Variants in FBXL13 observed in about 807,000 individuals in gnomAD.
FBXL13 encodes F-box and leucine-rich repeat protein 13.
In FBXL13, 67 loss-of-function variants were observed where a neutral mutation model predicts 83.6. The observed-to-expected ratio is 0.80, with a 90% CI of 0.66 to 0.98. The LOEUF (loss-of-function observed/expected upper bound fraction) is 0.98, where lower values mean the gene tolerates loss of function less well. Ranked by LOEUF, FBXL13 falls within the 50% of genes least tolerant of loss-of-function variation. The pLI, the probability that FBXL13 is intolerant of heterozygous loss-of-function variation, is 0.00. For synonymous variants in FBXL13, 272 were observed against 299.5 expected (o/e 0.91, Z 0.95); for missense variants, 822 against 866.5 (o/e 0.95, Z 0.64).
chr7:103,024,857 A>ATATTTTTTTT (rs1298384907), intron 6 of FBXL13, among the ~76,000 whole-genome samples: 1 of 62,846 alleles, frequency 1.6e-5, no homozygotes, highest in African/African-American at 9.0e-5. Context: ...ATATATATAT[A>ATATTTTTTTT]TTTTTTTTTT....
At chr7:103,074,148 G>A in intron 1 of FBXL13, 3 of 790,844 alleles carry the variant, frequency 3.8e-6, no homozygotes, top group Non-Finnish European at 4.6e-6. Context: ...TTCACAAAGG[G>A]CTGACTACAC....
chr7:102,824,699 T>A (rs1799315773), intron 18 of FBXL13, among the ~76,000 whole-genome samples: 1 of 151,986 alleles, frequency 6.6e-6, no homozygotes, highest in Non-Finnish European at 1.5e-5. Context: ...TTGGTCAGGC[T>A]GGTCTCAAAC....
intron 2 of FBXL13, chr7:103,030,261 C>T (rs1210003243): frequency 6.6e-6 from 1 of 152,158 alleles, no homozygotes; most frequent in African/African-American, 2.4e-5. Flanking sequence ...ATATGGCATA[C>T]ACATGTTCAT....
At chr7:102,916,340 C>A (rs1005016760) in intron 10 of FBXL13, among the ~76,000 whole-genome samples, 1 of 152,128 alleles carries the variant, frequency 6.6e-6, no homozygotes, top group Admixed American at 6.6e-5. Context: ...TGAATTCTAT[C>A]CCTGATCCTC....
Position 102,872,418 on chromosome 7 carries a change from C to T in FBXL13, c.1635+5049G>A, listed in dbSNP as rs185080358. Among the ~76,000 whole-genome samples, 7 of 152,228 alleles carry T rather than the reference C, an allele frequency of 4.6e-5. No individual in the cohort carries two copies. In the East Asian group the frequency reaches 1.2e-3, roughly 25 times the overall value. On this transcript the variant is annotated intron_variant, in intron 16 of 19. Transcript: ENST00000313221. ...ATATTCTAGTGAGGGGACTCCAGGA[C>T]CTACATAACAGGCGCTCAAGATCTT...
At chr7:103,010,115 G>A (rs1326005826) in intron 6 of FBXL13, among the ~76,000 whole-genome samples, 1 of 151,916 alleles carries the variant, frequency 6.6e-6, no homozygotes, top group Non-Finnish European at 1.5e-5. Flanking sequence ...CAGTGGCCCT[G>A]CTTCTGTATG....
intron 8 of FBXL13, among the ~76,000 whole-genome samples, chr7:102,958,724 A>G (rs999365529): frequency 6.6e-6 from 1 of 151,620 alleles, no homozygotes; most frequent in African/African-American, 2.4e-5. Context: ...CCAAGAATGA[A>G]TTTTTTTTCA....
At chr7:103,003,632 A>G (rs1228174760) in intron 6 of FBXL13, among the ~76,000 whole-genome samples, 2 of 151,354 alleles carry the variant, frequency 1.3e-5, no homozygotes, top group Non-Finnish European at 2.9e-5. Context: ...CCCAGACTGG[A>G]ATGCAGTGGC....
At chr7:102,931,997 A>G (rs997226031) in intron 8 of FBXL13, 64 bp from the exon 10 acceptor site, 6 of 1,477,536 alleles carry the variant, frequency 4.1e-6, no homozygotes, top group Non-Finnish European at 5.6e-6. Context: ...AAGTTTTTCT[A>G]TCTTACATTG....
intron 17 of FBXL13, among the ~76,000 whole-genome samples, chr7:102,836,365 C>T (rs546098748): frequency 2.6e-5 from 4 of 152,252 alleles, no homozygotes; most frequent in Admixed American, 1.3e-4. Flanking sequence ...TTCCTTTAAA[C>T]ACATATAAGT....
At position 103,011,347 on chromosome 7, in the gene FBXL13, G is replaced by A. The variant is rs190156332; in HGVS notation, c.495+13716C>T. Among the ~76,000 whole-genome samples the A allele has an allele frequency of 1.4e-4, 22 of 152,178 alleles. No individual in the cohort carries two copies. The East Asian group carries it at 4.3e-3, about 30-fold the overall frequency. Reference sequence around the variant, plus strand: ...TAGACCAAATGGCCATTATAAGAAAGAAACAGGCCAGGCGTGGTGGCTCAC... The same window carrying A: ...TAGACCAAATGGCCATTATAAGAAAAAAACAGGCCAGGCGTGGTGGCTCAC... On this transcript the variant is annotated intron_variant, in intron 6 of 19. Transcript: ENST00000313221.
intron 2 of FBXL13, among the ~76,000 whole-genome samples, chr7:103,038,285 C>CA (rs374158860): frequency 2.6e-5 from 4 of 152,216 alleles, no homozygotes; most frequent in African/African-American, 7.2e-5. Flanking sequence ...TTGAGTAGCT[C>CA]ACAGTGTAAA....
chr7:103,064,996 C>T (rs1201134716), intron 1 of FBXL13, among the ~76,000 whole-genome samples: 3 of 152,144 alleles, frequency 2.0e-5, no homozygotes, highest in Non-Finnish European at 4.4e-5. Flanking sequence ...CAAAACCTTG[C>T]CAAAATTTCA....
chr7:102,899,108 T>C (rs775586632), intron 11 of FBXL13, among the ~76,000 whole-genome samples: 13 of 152,080 alleles, frequency 8.5e-5, no homozygotes, highest in Non-Finnish European at 1.8e-4. Flanking sequence ...AGAGACAGGG[T>C]TTCACCATTT....
intron 8 of FBXL13, chr7:102,934,333 G>A: frequency 1.2e-6 from 2 of 1,614,116 alleles, no homozygotes; most frequent in South Asian, 2.2e-5. Context: ...AGCACAACCA[G>A]ATCAAAGTCT....
chr7:102,917,657 G>A (rs914099997), intron 10 of FBXL13, among the ~76,000 whole-genome samples: 2 of 152,136 alleles, frequency 1.3e-5, no homozygotes, highest in Non-Finnish European at 2.9e-5. Context: ...AAGTTTGGTT[G>A]GAGAATGTCA....
At chr7:103,013,320 C>T (rs768044773) in intron 6 of FBXL13, among the ~76,000 whole-genome samples, 2 of 152,158 alleles carry the variant, frequency 1.3e-5, no homozygotes, top group Non-Finnish European at 2.9e-5. Flanking sequence ...CATCTGAAAA[C>T]AACAGAACAT....
intron 2 of FBXL13, chr7:103,031,002 A>C (rs1265390653): frequency 6.6e-6 from 1 of 152,196 alleles, no homozygotes; most frequent in East Asian, 1.9e-4. Flanking sequence ...GAGAGAAAGA[A>C]ACAAACTCAC....
chr7:102,835,330 C>T (rs985636640), intron 17 of FBXL13, among the ~76,000 whole-genome samples: 1 of 152,166 alleles, frequency 6.6e-6, no homozygotes, highest in Non-Finnish European at 1.5e-5. Context: ...TAGTGGGGCA[C>T]ACCCAAGGAG....
Sources: gnomAD v4.1 joint callset for allele counts (sites outside exome capture counted in the v4.1 genomes callset) on GRCh38, gnomAD v4.1.1 for gene constraint, MANE v1.5 for transcripts, NCBI Gene and HGNC (gene_info 2026-07-23, HGNC 2026-07-21) for gene names.